The following STRN4 variants were observed in gnomAD, a reference collection of about 807,000 sequenced individuals.
The protein encoded by STRN4 is striatin 4, also known as striatin-4.
In STRN4, 27 loss-of-function variants were observed where a neutral mutation model predicts 77.9. The observed-to-expected ratio is 0.35, with a 90% CI of 0.26 to 0.48. The LOEUF (loss-of-function observed/expected upper bound fraction) is 0.48, where lower values mean the gene tolerates loss of function less well. STRN4 is among the 20% of genes least tolerant of loss of function. STRN4 has a pLI of 0.99. For missense variants in STRN4, 798 were observed against 1,049.7 expected (o/e 0.76, Z 3.31); for synonymous variants, 466 against 443.1 (o/e 1.05, Z -0.65).
chr19:46,744,901 A>C (rs1303081629), intron 1 of STRN4, among the ~76,000 whole-genome samples: 3 of 151,914 alleles, frequency 2.0e-5, no homozygotes, highest in Non-Finnish European at 4.4e-5. Context: ...CTGCCAATGG[A>C]CCTGACGCTC....
chr19:46,728,827 C>G (rs1354675539), intron 6 of STRN4, 50 bp from the exon 7 acceptor site: 6 of 1,602,938 alleles, frequency 3.7e-6, no homozygotes, highest in Non-Finnish European at 4.3e-6. Flanking sequence ...TGTCCAGAGA[C>G]TAAGCCACCT....
At position 46,720,632 on chromosome 19, in the gene STRN4, G is replaced by A. The variant is rs747722239; in HGVS notation, c.2232C>T (p.Gly744=). The A allele has an allele frequency of 3.1e-5, 50 of 1,604,834 alleles. No homozygotes were observed. The highest frequency in any genetic ancestry group is 3.7e-5 in the Non-Finnish European group (43 of 1,174,838). The change falls in exon 17 of 18, where the codon GGC becomes GGT. Residue 744 remains glycine, a synonymous_variant. Transcript: ENST00000263280. ...CGAAGACCTTGGCCAGGGCATCAGCGCCAGCACTGGCAATGAGGGCCTTGC... is the reference window on the plus strand; with the variant it reads ...CGAAGACCTTGGCCAGGGCATCAGCACCAGCACTGGCAATGAGGGCCTTGC... The part of the protein sequence containing the change: ...HPSKALIASA[G]ADALAKVFV
At chr19:46,727,661 GA>G in intron 8 of STRN4, 115 bp from the exon 9 acceptor site, 1 of 869,740 alleles carries the variant, frequency 1.1e-6, no homozygotes, top group Non-Finnish European at 1.8e-6. Flanking sequence ...AAGAGAGAGA[GA>G]CGGGGAGAGG....
Position 46,746,379 on chromosome 19 carries a change from G to C in STRN4, c.52C>G (p.Arg18Gly). Residue 18 changes from arginine (R) to glycine (G), a missense_variant, in exon 1 of 18, where the codon CGT becomes GGT. Coordinates refer to ENST00000263280, the MANE Select transcript of STRN4 (RefSeq NM_013403.3). ...AAVAAAASSCRPLGSGAGPGP... is the reference protein window; with the variant it reads ...AAVAAAASSCGPLGSGAGPGP... ...GGGCCCGCGCCTGAGCCGAGCGGAC[G>C]GCAGGAGGAGGCGGCGGCGGCGACC... 1.8e-6 allele frequency: 2 copies of C among 1,127,656 alleles called. No individual in the cohort carries two copies. Among genetic ancestry groups the C allele is most frequent in the Non-Finnish European group, 2.2e-6 (2 of 922,826 alleles). 69.9% of individuals were successfully genotyped at this position (1,127,656 alleles called of 1,614,324 possible).
rs1311941526 is a variant in STRN4, at chr19:46,733,511, G to GGT, written c.540-276_540-275insAC. ...ACCAGCCTCAGCACCCACCGACAGG[G>GGT]GCTGTGTCAGCAAATGACTCATAGC... On this transcript the variant is annotated intron_variant, in intron 4 of 17. Transcript: ENST00000263280. The surrounding 1 kb of genome is among the most constrained non-coding windows in gnomAD (Gnocchi z 4.3). 2.3e-6 allele frequency: 1 copy of GGT among 428,798 alleles called. No individual in the cohort carries two copies. Among genetic ancestry groups the GGT allele is most frequent in the East Asian group, 4.2e-5 (1 of 23,908 alleles). The allele number at this position is 428,798 out of a possible 1,614,324, so 26.6% of individuals were successfully genotyped here. A position where few individuals can be genotyped will look rare whatever the true frequency, so the allele number is the denominator to read the frequency against.
intron 1 of STRN4, chr19:46,745,936 C>T: frequency 2.1e-6 from 1 of 482,956 alleles, no homozygotes; most frequent in Non-Finnish European, 3.3e-6. Context: ...ACTCCCACCT[C>T]GGGCCGTCCC....
Position 46,746,423 on chromosome 19 carries a change from T to C in STRN4, c.8A>G (p.Glu3Gly). Reference sequence around the variant, plus strand: ...GGCGACCGCGGCGGCCGCTCGCTCCTCCATCATGGAGGCCCCGGGGCCGGC... The same window carrying C: ...GGCGACCGCGGCGGCCGCTCGCTCCCCCATCATGGAGGCCCCGGGGCCGGC... MM[E>G]ERAAAAVAAA... Residue 3 changes from glutamate to glycine, a missense_variant, in exon 1 of 18, where the codon GAG (glutamate) becomes GGG (glycine). Glu to Gly is a moderately conservative substitution (Grantham distance 98, BLOSUM62 -2). Coordinates refer to ENST00000263280, the MANE Select transcript of STRN4 (RefSeq NM_013403.3). The C allele has an allele frequency of 9.7e-7, 1 of 1,026,480 alleles. No individual in the cohort carries two copies. Among genetic ancestry groups the C allele is most frequent in the East Asian group, 9.2e-5 (1 of 10,852 alleles). The allele number at this position is 1,026,480 out of a possible 1,614,324, so 63.6% of individuals were successfully genotyped here.
chr19:46,727,743 G>C, intron 8 of STRN4, 151 bp downstream of exon 8: 2 of 772,210 alleles, frequency 2.6e-6, no homozygotes, highest in Non-Finnish European at 4.1e-6. Context: ...AAGAGAGGGA[G>C]ACAGACAGAC....
intron 1 of STRN4, among the ~76,000 whole-genome samples, chr19:46,742,903 A>G (rs1251140950): frequency 6.6e-6 from 1 of 152,090 alleles, no homozygotes; most frequent in Non-Finnish European, 1.5e-5. Flanking sequence ...TATTCCACTC[A>G]TCTGTTCTGC....
rs2054423830 is a variant in STRN4, at chr19:46,738,941, C to T, written c.283-53G>A. 3.3e-6 allele frequency: 5 copies of T among 1,501,618 alleles called. No homozygotes were observed. The African/African-American group carries it at 4.1e-5, about 12-fold the overall frequency. 93.0% of individuals were successfully genotyped at this position (1,501,618 alleles called of 1,614,324 possible). On this transcript the variant is annotated intron_variant, in intron 1 of 17. Transcript: ENST00000263280. This position sits in a 1 kb window ranked among gnomAD's most constrained non-coding sequence, Gnocchi z 4.5. ...AGATAATGGGGCTCAGGCTCAATGC[C>T]GGTGTGTCTATCACTCACCCAGGTA...
Position 46,723,241 on chromosome 19 carries a change from G to T in STRN4, c.1638C>A (p.Ala546=). The T allele has an allele frequency of 6.4e-7, 1 of 1,551,244 alleles. No individual in the cohort carries two copies. The part of the protein sequence containing the change: ...LSHVLEGHGD[A]VWGLAFSPTS... Reference sequence around the variant, plus strand: ...TGGGACTGAAGGCCAGGCCCCACACGGCGTCCCCGTGGCCCTCCAGGACGT... The same window carrying T: ...TGGGACTGAAGGCCAGGCCCCACACTGCGTCCCCGTGGCCCTCCAGGACGT... Residue 546 remains alanine (A), a synonymous_variant, in exon 13 of 18, where the codon GCC becomes GCA. Transcript: ENST00000263280. The surrounding 1 kb of genome is among the most constrained non-coding windows in gnomAD (Gnocchi z 5.5).
chr19:46,745,907 T>A, intron 1 of STRN4: 14 of 335,864 alleles, frequency 4.2e-5, no homozygotes, highest in East Asian at 1.7e-4. Flanking sequence ...CGGTGATCCC[T>A]CCCACCCCCG....
rs544448399 is a variant in STRN4, at chr19:46,727,467, G to A, written c.1233C>T (p.Asn411=). 24 of 1,613,940 alleles carry A rather than the reference G, an allele frequency of 1.5e-5. No individual in the cohort carries two copies. The highest frequency in any genetic ancestry group is 7.7e-5 in the South Asian group (7 of 91,070). ...DLADLTVTND[N]DLSCDLSDSK... ...GAGAACTTACATCGCAGCTGAGGTC[G>A]TTGTCGTTGGTGACGGTGAGATCTG... Residue 411 remains asparagine, a synonymous_variant, in exon 9 of 18, where the codon AAC becomes AAT. Transcript: ENST00000263280.
intron 6 of STRN4, among the ~76,000 whole-genome samples, chr19:46,729,885 C>T (rs2054209202): frequency 6.6e-6 from 1 of 152,212 alleles, no homozygotes; most frequent in Non-Finnish European, 1.5e-5. Flanking sequence ...GAAGTGTGGG[C>T]CAGAACTCAC....
Position 46,723,314 on chromosome 19 carries a change from G to A in STRN4, c.1595-30C>T. 2.6e-6 allele frequency: 4 copies of A among 1,520,180 alleles called. No individual in the cohort carries two copies. The highest frequency in any genetic ancestry group is 3.5e-6 in the Non-Finnish European group (4 of 1,133,724). 94.2% of individuals were successfully genotyped at this position (1,520,180 alleles called of 1,614,324 possible). A position where few individuals can be genotyped will look rare whatever the true frequency, so the allele number is the denominator to read the frequency against. On this transcript the variant is annotated intron_variant, in intron 12 of 17. Coordinates refer to ENST00000263280, the MANE Select transcript of STRN4 (RefSeq NM_013403.3). The surrounding 1 kb of genome is among the most constrained non-coding windows in gnomAD (Gnocchi z 5.5). ...ACCCACCGCAGGGAGGAAATGGGCT[G>A]TGTCAGGGCTGCCAGCTCCTCCCTG...
intron 5 of STRN4, chr19:46,732,441 T>G (rs144794477): frequency 6.5e-6 from 1 of 153,184 alleles, no homozygotes; most frequent in Non-Finnish European, 1.5e-5. Context: ...GGCCTCGTGC[T>G]GCTTCTGTGC....
intron 3 of STRN4, among the ~76,000 whole-genome samples, chr19:46,737,102 C>G (rs146478132): frequency 3.3e-5 from 5 of 152,282 alleles, no homozygotes; most frequent in Non-Finnish European, 5.9e-5. Flanking sequence ...TCTAGGTCTC[C>G]TGACTGGTGG....
In STRN4 at chr19:46,738,210, C is replaced by A. The variant is rs1420091148; in HGVS notation, c.414G>T (p.Gly138=). Reference sequence around the variant, plus strand: ...TCTTCTCCCCCTGGTTCAGGTCTGTCCCAAACTTCAGTTTATGATATTTGG... The same window carrying A: ...TCTTCTCCCCCTGGTTCAGGTCTGTACCAAACTTCAGTTTATGATATTTGG... ...ERAKYHKLKF[G]TDLNQGEKKA... The change falls in exon 3 of 18, where the codon GGG becomes GGT. Residue 138 remains glycine (G), a synonymous_variant. Coordinates refer to ENST00000263280, the MANE Select transcript of STRN4 (RefSeq NM_013403.3). The surrounding 1 kb of genome is among the most constrained non-coding windows in gnomAD (Gnocchi z 4.5). 4 of 1,614,168 alleles carry A rather than the reference C, an allele frequency of 2.5e-6. No homozygotes were observed. In the East Asian group the frequency reaches 6.7e-5, roughly 27 times the overall value.
At chr19:46,736,638 G>A (rs945719287) in intron 4 of STRN4, among the ~76,000 whole-genome samples, 185 bp downstream of exon 4, 6 of 150,948 alleles carry the variant, frequency 4.0e-5, no homozygotes, top group African/African-American at 1.2e-4. Flanking sequence ...CCTGCAGCGG[G>A]TTTCCCTCCC....
Sources: allele counts gnomAD v4.1 joint callset (sites outside exome capture counted in the v4.1 genomes callset), GRCh38; gene constraint gnomAD v4.1.1; non-coding constraint Gnocchi (gnomAD v3.1); transcripts MANE v1.5; gene names NCBI Gene and HGNC (gene_info 2026-07-23, HGNC 2026-07-21).